Variants in DGKB observed in about 807,000 individuals in gnomAD.
The protein encoded by DGKB is diacylglycerol kinase beta.
Under a neutral mutation model 114.3 loss-of-function variants are expected in DGKB, and 67 were observed. That is an observed-to-expected ratio of 0.59 (90% CI 0.48 to 0.72). DGKB has a LOEUF of 0.72. Among genes scored for constraint, DGKB ranks in the 30% least tolerant of loss-of-function variants. The pLI is 0.00. For synonymous variants in DGKB, 398 were observed against 323.1 expected (o/e 1.23, Z -2.49); for missense variants, 907 against 975.2 (o/e 0.93, Z 0.93).
intron 25 of DGKB, among the ~76,000 whole-genome samples, chr7:14,172,567 T>G (rs1221386541): frequency 1.3e-5 from 2 of 152,114 alleles, no homozygotes; most frequent in African/African-American, 4.8e-5. Context: ...ACCAGGTGTT[T>G]CAATGGTTTC....
intron 6 of DGKB, among the ~76,000 whole-genome samples, chr7:14,716,838 G>A (rs1828271116): frequency 6.6e-6 from 1 of 152,114 alleles, no homozygotes; most frequent in African/African-American, 2.4e-5. Flanking sequence ...TAGGAGAAAA[G>A]AGACCTACGG....
intron 25 of DGKB, among the ~76,000 whole-genome samples, chr7:14,153,201 T>C (rs1423396466): frequency 6.6e-6 from 1 of 152,090 alleles, no homozygotes; most frequent in East Asian, 1.9e-4. Flanking sequence ...GATTTCTTTC[T>C]TGCTTCCCTG....
At chr7:14,282,712 G>T (rs997532331) in intron 23 of DGKB, among the ~76,000 whole-genome samples, 1 of 151,452 alleles carries the variant, frequency 6.6e-6, no homozygotes, top group Admixed American at 6.6e-5. Context: ...TTCAATATAC[G>T]CAAATCAATA....
chr7:14,624,005 T>G (rs983703395), intron 14 of DGKB, among the ~76,000 whole-genome samples: 1 of 152,178 alleles, frequency 6.6e-6, no homozygotes, highest in African/African-American at 2.4e-5. Flanking sequence ...ATATTGTCAC[T>G]ACATTAAAGT....
At chr7:14,869,454 A>G (rs1264479340) in intron 1 of DGKB, among the ~76,000 whole-genome samples, 1 of 152,164 alleles carries the variant, frequency 6.6e-6, no homozygotes, top group Non-Finnish European at 1.5e-5. Context: ...CACTCCTCCA[A>G]TTAAGAAACA....
intron 17 of DGKB, among the ~76,000 whole-genome samples, chr7:14,590,681 C>A (rs984715710): frequency 6.6e-6 from 1 of 151,998 alleles, no homozygotes; most frequent in African/African-American, 2.4e-5. Context: ...TCATTAATAT[C>A]CTTGGGATTT....
chr7:14,705,850 A>G (rs371591351), intron 6 of DGKB, among the ~76,000 whole-genome samples: 5 of 152,312 alleles, frequency 3.3e-5, no homozygotes, highest in East Asian at 3.9e-4. Context: ...AGTACCAGCC[A>G]CTGCAAAATC....
intron 20 of DGKB, among the ~76,000 whole-genome samples, chr7:14,526,374 A>T (rs762591822): frequency 6.6e-6 from 1 of 152,140 alleles, no homozygotes; most frequent in African/African-American, 2.4e-5. Flanking sequence ...GTCTCTGAAC[A>T]TTGCCAGAGA....
rs376266370 is a variant in DGKB at position 14,669,527 on chromosome 7, G to A, written c.1134+3402C>T. Among the ~76,000 whole-genome samples the A allele has an allele frequency of 1.2e-4, 18 of 152,232 alleles. 1 individual carries two copies. The highest frequency in any genetic ancestry group is 8.5e-4 in the Admixed American group (13 of 15,274). On this transcript the variant is annotated intron_variant, in intron 13 of 25. Transcript: ENST00000402815. Reference sequence around the variant, plus strand: ...TGTCTCTTCAGTGAACATCTTGACAGCCTCTTTTATCACTGCAGCCCCAAC... The same window carrying A: ...TGTCTCTTCAGTGAACATCTTGACAACCTCTTTTATCACTGCAGCCCCAAC...
intron 2 of DGKB, among the ~76,000 whole-genome samples, chr7:14,802,810 A>G (rs1006185498): frequency 2.6e-5 from 4 of 152,154 alleles, no homozygotes; most frequent in Admixed American, 1.3e-4. Context: ...CATTCCTGAA[A>G]GTAAAGTGTC....
intron 21 of DGKB, 130 bp from the exon 22 acceptor site, chr7:14,345,521 G>T (rs1812337342): frequency 1.8e-6 from 1 of 548,962 alleles, no homozygotes; most frequent in African/African-American, 1.9e-5. Flanking sequence ...AAATGTAATA[G>T]ATGGTCATAT....
chr7:14,149,711 C>G (rs939355859), intron 25 of DGKB, among the ~76,000 whole-genome samples: 2 of 152,118 alleles, frequency 1.3e-5, no homozygotes, highest in African/African-American at 4.8e-5. Flanking sequence ...GATTGTTTCT[C>G]TCTTTCAACA....
chr7:14,448,332 T>C (rs1218638760), intron 21 of DGKB, among the ~76,000 whole-genome samples: 1 of 152,002 alleles, frequency 6.6e-6, no homozygotes, highest in African/African-American at 2.4e-5. Flanking sequence ...TCATGTGTAA[T>C]TTGGGGGTAG....
At chr7:14,729,271 T>C (rs71525647) in intron 5 of DGKB, among the ~76,000 whole-genome samples, 46,619 of 146,312 alleles carry the variant, frequency 0.32, 8,022 homozygotes, top group East Asian at 0.71. Context: ...TACAGGCGCC[T>C]GCCACCACAT....
chr7:14,439,639 G>A (rs1450541191), intron 21 of DGKB, among the ~76,000 whole-genome samples: 1 of 151,988 alleles, frequency 6.6e-6, no homozygotes, highest in Non-Finnish European at 1.5e-5. Context: ...CGAAGTGGAT[G>A]GATCATTTGA....
chr7:14,262,157 T>C (rs148112229), intron 23 of DGKB, among the ~76,000 whole-genome samples: 296 of 152,200 alleles, frequency 1.9e-3, no homozygotes, highest in African/African-American at 6.9e-3. Context: ...ATTTGCAGCC[T>C]AAAAAAGGAA....
intron 5 of DGKB, among the ~76,000 whole-genome samples, chr7:14,720,471 ATTTGTGTG>A (rs1351565792): frequency 6.7e-5 from 7 of 104,270 alleles, no homozygotes; most frequent in African/African-American, 3.1e-4. Context: ...CGCCCGGCTG[ATTTGTGTG>A]TGTGTGTGTG....
At chr7:14,747,195 T>G (rs1833418941) in intron 4 of DGKB, among the ~76,000 whole-genome samples, 1 of 150,038 alleles carries the variant, frequency 6.7e-6, no homozygotes, top group South Asian at 2.1e-4. Context: ...CCTCTTTTTT[T>G]TTTTTTTTTT....
At chr7:14,591,991 C>T (rs150018390) in intron 17 of DGKB, among the ~76,000 whole-genome samples, 3 of 151,922 alleles carry the variant, frequency 2.0e-5, no homozygotes, top group African/African-American at 4.8e-5. Context: ...GTAAATATTA[C>T]TTTTTATTCC....
Sources: gnomAD v4.1 joint callset for allele counts (sites outside exome capture counted in the v4.1 genomes callset) on GRCh38, gnomAD v4.1.1 for gene constraint, MANE v1.5 for transcripts, NCBI Gene and HGNC (gene_info 2026-07-23, HGNC 2026-07-21) for gene names.